SAMSN1: variants seen among roughly 807,000 people sequenced by gnomAD.
The protein encoded by SAMSN1 is SAM domain-containing protein SAMSN-1.
In SAMSN1, 31 loss-of-function variants were observed where a neutral mutation model predicts 42.0. That is an observed-to-expected ratio of 0.74 (90% confidence interval 0.55 to 1.00). The LOEUF (loss-of-function observed/expected upper bound fraction) is 1.00, where lower values mean the gene tolerates loss of function less well. SAMSN1 is among the 50% of genes least tolerant of loss of function. The pLI is 0.00. For missense variants in SAMSN1, 464 were observed against 439.4 expected (o/e 1.06, Z -0.50); for synonymous variants, 178 against 151.9 (o/e 1.17, Z -1.26).
At chr21:14,596,027 C>T (rs1042750171) in intron 6 of SAMSN1, among the ~76,000 whole-genome samples, 2 of 152,134 alleles carry the variant, frequency 1.3e-5, no homozygotes, top group Non-Finnish European at 2.9e-5. Flanking sequence ...GGAGTTCATT[C>T]ATAAAAATTA....
rs1225326660 is a variant in SAMSN1 at position 14,655,821 on chromosome 21, C to T, written c.24+2927G>A. ...AACATAAATGCTAAGGAAAGGAATACTTTATAGATTATTTGTACAGAAAAT... is the reference window on the plus strand; with the variant it reads ...AACATAAATGCTAAGGAAAGGAATATTTTATAGATTATTTGTACAGAAAAT... On this transcript the variant is annotated intron_variant, in intron 1 of 15. Transcript: ENST00000647101. 2.0e-5 allele frequency among the ~76,000 whole-genome samples: 3 copies of T among 151,764 alleles called. No individual in the cohort carries two copies. The Admixed American group carries it at 2.0e-4, about 10-fold the overall frequency.
chr21:14,547,835 A>G (rs113967737), upstream of SAMSN1, among the ~76,000 whole-genome samples: 4 of 152,326 alleles, frequency 2.6e-5, no homozygotes, highest in African/African-American at 9.6e-5. Context: ...TTTTTGTTCT[A>G]TAACAGAATT....
At chr21:14,593,895 G>C (rs1370805831) in intron 7 of SAMSN1, 2 of 599,244 alleles carry the variant, frequency 3.3e-6, no homozygotes, top group African/African-American at 3.7e-5. Flanking sequence ...ACTTCCATGT[G>C]GCAGCTGAAA....
chr21:14,573,475 G>C (rs1276627813), intron 2 of SAMSN1, among the ~76,000 whole-genome samples: 8 of 152,076 alleles, frequency 5.3e-5, no homozygotes, highest in Admixed American at 3.9e-4. Context: ...TGCATCCAGA[G>C]ACCATGAGGG....
intron 1 of SAMSN1, among the ~76,000 whole-genome samples, chr21:14,526,752 A>G (rs1174441300): frequency 6.6e-6 from 1 of 152,218 alleles, no homozygotes; most frequent in Non-Finnish European, 1.5e-5. Context: ...TTCTGAGCAG[A>G]ATAAAAATTA....
At chr21:14,565,048 A>C (rs1440804706) in intron 2 of SAMSN1, among the ~76,000 whole-genome samples, 1 of 152,098 alleles carries the variant, frequency 6.6e-6, no homozygotes, top group Non-Finnish European at 1.5e-5. Context: ...TAATCCCAGC[A>C]CTTTGGGAGG....
chr21:14,562,435 A>C (rs1308266415), intron 2 of SAMSN1, among the ~76,000 whole-genome samples: 4 of 152,046 alleles, frequency 2.6e-5, no homozygotes, highest in Non-Finnish European at 5.9e-5. Context: ...TGAACAAAGA[A>C]AGAGACATGC....
intron 5 of SAMSN1, among the ~76,000 whole-genome samples, chr21:14,605,844 A>AT (rs1395668037): frequency 7.4e-5 from 11 of 147,810 alleles, no homozygotes; most frequent in African/African-American, 2.5e-4. Context: ...TTATTTATTT[A>AT]TTTATTTATT....
intron 2 of SAMSN1, among the ~76,000 whole-genome samples, chr21:14,561,522 G>A (rs904664672): frequency 3.3e-5 from 5 of 152,150 alleles, no homozygotes; most frequent in African/African-American, 1.2e-4. Flanking sequence ...TGATAAATAA[G>A]GAGAAAGACA....
At chr21:14,524,932 T>C (rs1003995994) in intron 1 of SAMSN1, among the ~76,000 whole-genome samples, 6 of 152,148 alleles carry the variant, frequency 3.9e-5, no homozygotes, top group African/African-American at 1.4e-4. Context: ...ATCAGTTACA[T>C]TGGGAAATGT....
intron 7 of SAMSN1, among the ~76,000 whole-genome samples, chr21:14,498,233 T>G (rs1328575108): frequency 6.6e-6 from 1 of 152,250 alleles, no homozygotes; most frequent in East Asian, 1.9e-4. Context: ...TCCTTTCATT[T>G]CCTGAGTCCA....
intron 2 of SAMSN1, among the ~76,000 whole-genome samples, chr21:14,571,757 G>A (rs1044540575): frequency 6.6e-6 from 1 of 152,104 alleles, no homozygotes; most frequent in South Asian, 2.1e-4. Flanking sequence ...AAAGGGCAAC[G>A]GTGATGCCAG....
intron 5 of SAMSN1, 37 bp downstream of exon 5, chr21:14,510,273 C>T: frequency 6.2e-7 from 1 of 1,602,360 alleles, no homozygotes. Flanking sequence ...CAGCATTTGA[C>T]AGACCATTCA....
chr21:14,637,073 T>C (rs1423033230), intron 2 of SAMSN1, among the ~76,000 whole-genome samples: 1 of 152,194 alleles, frequency 6.6e-6, no homozygotes, highest in East Asian at 1.9e-4. Context: ...AAGCCTTCAA[T>C]CCTACCTTGT....
At chr21:14,627,628 C>T (rs990869949) in intron 2 of SAMSN1, among the ~76,000 whole-genome samples, 14 of 152,252 alleles carry the variant, frequency 9.2e-5, no homozygotes, top group Admixed American at 6.5e-4. Flanking sequence ...TGGCCAATAT[C>T]AACAGGGTTT....
intron 2 of SAMSN1, among the ~76,000 whole-genome samples, chr21:14,578,826 T>C (rs1981597987): frequency 6.6e-6 from 1 of 151,988 alleles, no homozygotes; most frequent in African/African-American, 2.4e-5. Context: ...TATCTGCATA[T>C]CTTGGCACGT....
chr21:14,606,468 CCAATT>C (rs968048403), intron 5 of SAMSN1, among the ~76,000 whole-genome samples: 6 of 151,978 alleles, frequency 3.9e-5, no homozygotes, highest in Admixed American at 2.6e-4. Context: ...TAGGTAAACT[CCAATT>C]CACAGATTCA....
At chr21:14,546,140 C>CA in intron 1 of SAMSN1, 65 bp downstream of exon 1, 2 of 1,396,024 alleles carry the variant, frequency 1.4e-6, no homozygotes, top group Non-Finnish European at 2.0e-6. Flanking sequence ...TGTTCAAACA[C>CA]ACATATGTGT....
intron 2 of SAMSN1, among the ~76,000 whole-genome samples, chr21:14,518,032 C>G (rs1161857864): frequency 6.6e-6 from 1 of 152,182 alleles, no homozygotes; most frequent in African/African-American, 2.4e-5. Context: ...TTGAAAACAA[C>G]TGTAATAAAG....
Sources: gnomAD v4.1 joint callset for allele counts (sites outside exome capture counted in the v4.1 genomes callset) on GRCh38, gnomAD v4.1.1 for gene constraint, MANE v1.5 for transcripts, NCBI Gene and HGNC (gene_info 2026-07-23, HGNC 2026-07-21) for gene names.